NRXN3: variants seen among roughly 807,000 people sequenced by gnomAD.
The protein encoded by NRXN3 is neurexin 3.
NRXN3 carries 32 observed loss-of-function variants against 137.6 expected under a neutral mutation model. The observed-to-expected ratio is 0.23, with a 90% CI of 0.18 to 0.31. The LOEUF (loss-of-function observed/expected upper bound fraction) is 0.31, where lower values mean the gene tolerates loss of function less well. Among genes scored for constraint, NRXN3 ranks in the 10% least tolerant of loss-of-function variants. The pLI is 1.00. For missense variants in NRXN3, 1,574 were observed against 2,062.5 expected (o/e 0.76, Z 4.59); for synonymous variants, 798 against 784.5 (o/e 1.02, Z -0.29).
chr14:78,842,229 C>A lies in NRXN3; in HGVS notation c.2275+31885C>A, dbSNP rs563311898. Among the ~76,000 whole-genome samples, 3 of 152,164 alleles carry A rather than the reference C, an allele frequency of 2.0e-5. No homozygotes were observed. The South Asian group carries it at 6.2e-4, about 32-fold the overall frequency. ...TTTATTATCAGGCAAAATTCACCCC[C>A]AATATTTCACATAGGTTCTTTTCTA... On this transcript the variant is annotated intron_variant, in intron 10 of 20. Coordinates refer to ENST00000335750, the MANE Select transcript of NRXN3 (RefSeq NM_001330195.2).
At chr14:79,529,962 T>C (rs2097155172) in intron 16 of NRXN3, among the ~76,000 whole-genome samples, 3 of 152,248 alleles carry the variant, frequency 2.0e-5, no homozygotes, top group Non-Finnish European at 2.9e-5. Flanking sequence ...GAATTACTTA[T>C]ATTCACTCTG....
chr14:78,708,739 A>G (rs1215693630), intron 6 of NRXN3, among the ~76,000 whole-genome samples: 1 of 152,170 alleles, frequency 6.6e-6, no homozygotes, highest in Non-Finnish European at 1.5e-5. Flanking sequence ...TTCACTTAAC[A>G]ATGTGACCTG....
intron 4 of NRXN3, among the ~76,000 whole-genome samples, chr14:78,591,870 C>G (rs2097120786): frequency 6.6e-6 from 1 of 152,214 alleles, no homozygotes; most frequent in South Asian, 2.1e-4. Flanking sequence ...AGCTTCCCCT[C>G]TTCCCCTGTG....
intron 8 of NRXN3, among the ~76,000 whole-genome samples, chr14:78,734,831 G>T (rs971896065): frequency 3.3e-5 from 5 of 152,208 alleles, no homozygotes; most frequent in Non-Finnish European, 7.3e-5. Context: ...ACAGAAGGTG[G>T]AAGTGGGGAG....
intron 15 of NRXN3, among the ~76,000 whole-genome samples, chr14:79,322,853 T>G (rs976973565): frequency 6.6e-6 from 1 of 152,184 alleles, no homozygotes; most frequent in African/African-American, 2.4e-5. Flanking sequence ...GTATGATACT[T>G]TGGCACCTCA....
chr14:79,701,623 G>A (rs1001590852), intron 19 of NRXN3, among the ~76,000 whole-genome samples: 1 of 152,018 alleles, frequency 6.6e-6, no homozygotes, highest in Non-Finnish European at 1.5e-5. Flanking sequence ...GAAGTAGAGG[G>A]TGCCAGTTTT....
chr14:78,990,206 C>A (rs2099515710), intron 15 of NRXN3, among the ~76,000 whole-genome samples: 1 of 152,078 alleles, frequency 6.6e-6, no homozygotes, highest in Non-Finnish European at 1.5e-5. Context: ...GAATTTTATT[C>A]TGTAACAATG....
chr14:79,617,555 GAAGATGCACAA>G (rs894436676), intron 16 of NRXN3, among the ~76,000 whole-genome samples: 83 of 152,230 alleles, frequency 5.5e-4, no homozygotes, highest in African/African-American at 1.9e-3. Flanking sequence ...CAAGAATAGA[GAAGATGCACAA>G]AACTGACCAG....
intron 4 of NRXN3, among the ~76,000 whole-genome samples, chr14:78,540,123 C>T (rs781222737): frequency 1.1e-4 from 16 of 152,134 alleles, no homozygotes; most frequent in Non-Finnish European, 1.6e-4. Flanking sequence ...TCTATTAGTT[C>T]TGCTTGTTGC....
intron 6 of NRXN3, among the ~76,000 whole-genome samples, chr14:78,676,433 C>T (rs2098007503): frequency 6.6e-6 from 1 of 152,062 alleles, no homozygotes; most frequent in African/African-American, 2.4e-5. Flanking sequence ...CCACACATTT[C>T]CTTAATCCAG....
chr14:78,607,339 C>G lies in NRXN3; in HGVS notation c.758-37781C>G, dbSNP rs376209414. ...GCATTTGATCCTTTTTGGCCTGCCC[C>G]CTTTGAGCTGGCTCCTTTATTAATC... On this transcript the variant is annotated intron_variant, in intron 4 of 20. Coordinates refer to ENST00000335750, the MANE Select transcript of NRXN3 (RefSeq NM_001330195.2). Among the ~76,000 whole-genome samples the G allele has an allele frequency of 3.7e-4, 56 of 152,262 alleles. 2 individuals carry two copies. Among genetic ancestry groups the G allele is most frequent in the African/African-American group, 1.3e-3 (52 of 41,558 alleles).
intron 1 of NRXN3, among the ~76,000 whole-genome samples, chr14:78,229,430 C>T (rs983925352): frequency 3.3e-5 from 5 of 151,986 alleles, no homozygotes; most frequent in African/African-American, 1.2e-4. Flanking sequence ...CTTGATGATC[C>T]CTGGGGTTCT....
At chr14:78,682,128 A>G (rs1378447738) in intron 6 of NRXN3, among the ~76,000 whole-genome samples, 1 of 152,016 alleles carries the variant, frequency 6.6e-6, no homozygotes, top group Non-Finnish European at 1.5e-5. Flanking sequence ...GGCCTCCCAA[A>G]GTGCTGGGAT....
intron 15 of NRXN3, among the ~76,000 whole-genome samples, chr14:79,174,265 A>G (rs1032914106): frequency 1.3e-5 from 2 of 152,166 alleles, no homozygotes; most frequent in Non-Finnish European, 2.9e-5. Flanking sequence ...TGAATAAACA[A>G]TTCACAGAAG....
chr14:79,585,864 G>A (rs1292321969), intron 16 of NRXN3, among the ~76,000 whole-genome samples: 1 of 152,108 alleles, frequency 6.6e-6, no homozygotes, highest in African/African-American at 2.4e-5. Flanking sequence ...TAACGATGAG[G>A]TATGGATGAA....
rs1465968346 is a variant in NRXN3, at chr14:79,718,315, C to T, written c.4014+20378C>T. On this transcript the variant is annotated intron_variant, in intron 19 of 20. Transcript: ENST00000335750. ...AGTGTTTGAAAGATGATGAATATGG[C>T]TGTAGCAGAAGAAATCTGGTGTGAG... Among the ~76,000 whole-genome samples, 3 of 152,134 alleles carry T rather than the reference C, an allele frequency of 2.0e-5. No individual in the cohort carries two copies. The East Asian group carries it at 5.8e-4, about 29-fold the overall frequency.
At chr14:79,331,295 A>G (rs1248758068) in intron 15 of NRXN3, among the ~76,000 whole-genome samples, 1 of 152,190 alleles carries the variant, frequency 6.6e-6, no homozygotes, top group African/African-American at 2.4e-5. Context: ...TGCACAAGGT[A>G]TAAAAGTTGC....
chr14:78,523,643 CA>C (rs3036598), intron 4 of NRXN3, among the ~76,000 whole-genome samples: 5,370 of 77,680 alleles, frequency 0.069, 155 homozygotes, highest in South Asian at 0.15. Flanking sequence ...ACTACAAATA[CA>C]AAAAAAAAAA....
intron 15 of NRXN3, among the ~76,000 whole-genome samples, chr14:79,082,794 A>T (rs6574485): frequency 0.92 from 139,815 of 152,202 alleles, 65,119 homozygotes; most frequent in Non-Finnish European, 0.99. Flanking sequence ...AAAAAACTTT[A>T]AAAAATTCAG....
Sources: gnomAD v4.1 joint callset for allele counts (sites outside exome capture counted in the v4.1 genomes callset) on GRCh38, gnomAD v4.1.1 for gene constraint, MANE v1.5 for transcripts, NCBI Gene and HGNC (gene_info 2026-07-23, HGNC 2026-07-21) for gene names.